STAG1: variants seen among roughly 807,000 people sequenced by gnomAD.
STAG1 encodes the protein cohesin subunit SA-1.
A neutral mutation model predicts 170.9 loss-of-function variants in STAG1; 26 were observed. The ratio of observed to expected loss-of-function variants is 0.15; its 90% CI spans 0.11 to 0.21. The LOEUF is 0.21. Among genes scored for constraint, STAG1 ranks in the 10% least tolerant of loss-of-function variants. STAG1 has a pLI of 1.00. For missense variants in STAG1, 964 were observed against 1,509.5 expected, an observed-to-expected ratio of 0.64 and a Z score of 5.99; for synonymous variants, 514 against 497.7, an observed-to-expected ratio of 1.03 and a Z score of -0.44.
At chr3:136,412,860 T>G (rs1430069676) in intron 21 of STAG1, among the ~76,000 whole-genome samples, 1 of 141,158 alleles carries the variant, frequency 7.1e-6, no homozygotes, top group African/African-American at 2.5e-5. Flanking sequence ...TTGTGACAAT[T>G]TTTTCTTTTT....
chr3:136,649,518 A>G lies in STAG1; in HGVS notation c.-83-18537T>C, dbSNP rs561063631. ...AAAACAGAAACAAAAAAAAAAAAAA[A>G]AAAAGAAAGGGTCCAGTTTGACTTA... On this transcript the variant is annotated intron_variant, in intron 1 of 33. Coordinates refer to ENST00000383202, the MANE Select transcript of STAG1 (RefSeq NM_005862.3). Among the ~76,000 whole-genome samples, 410 of 151,606 alleles carry G rather than the reference A, an allele frequency of 2.7e-3. 2 individuals carry two copies. Among genetic ancestry groups the G allele is most frequent in the Non-Finnish European group, 4.4e-3 (297 of 67,808 alleles).
At chr3:136,657,867 A>G (rs1361299871) in intron 1 of STAG1, among the ~76,000 whole-genome samples, 1 of 152,220 alleles carries the variant, frequency 6.6e-6, no homozygotes, top group Non-Finnish European at 1.5e-5. Flanking sequence ...GAAATGCACT[A>G]GAATGCAATA....
chr3:136,613,545 G>A (rs1939423552), intron 3 of STAG1, among the ~76,000 whole-genome samples: 1 of 152,098 alleles, frequency 6.6e-6, no homozygotes, highest in Non-Finnish European at 1.5e-5. Flanking sequence ...AGAATGTAAT[G>A]ATGCAATCTC....
chr3:136,543,238 T>C (rs1935990908), intron 5 of STAG1, among the ~76,000 whole-genome samples: 1 of 152,044 alleles, frequency 6.6e-6, no homozygotes, highest in East Asian at 1.9e-4. Flanking sequence ...CATGAATATA[T>C]TACCCAAACA....
intron 1 of STAG1, among the ~76,000 whole-genome samples, chr3:136,679,672 T>C (rs1942267043): frequency 6.9e-6 from 1 of 145,172 alleles, no homozygotes; most frequent in South Asian, 2.2e-4. Context: ...GAGCTTGCAG[T>C]GAGCCGAGAT....
chr3:136,614,216 A>C (rs564735072), intron 3 of STAG1, among the ~76,000 whole-genome samples: 51 of 152,360 alleles, frequency 3.3e-4, no homozygotes, highest in Non-Finnish European at 6.0e-4. Context: ...ACTCTGCCTC[A>C]AAAAATAAAC....
intron 3 of STAG1, among the ~76,000 whole-genome samples, chr3:136,608,586 G>A (rs1163260184): frequency 6.8e-6 from 1 of 147,890 alleles, no homozygotes; most frequent in Non-Finnish European, 1.5e-5. Context: ...AGACAAGGTA[G>A]GGAGGATGAC....
intron 6 of STAG1, among the ~76,000 whole-genome samples, chr3:136,539,367 GA>G (rs1315033702): frequency 1.3e-5 from 2 of 152,094 alleles, no homozygotes; most frequent in East Asian, 3.8e-4. Flanking sequence ...CAGGAAAAGA[GA>G]AAAAATCTGC....
intron 4 of STAG1, among the ~76,000 whole-genome samples, chr3:136,590,912 C>T (rs1014860175): frequency 6.6e-6 from 1 of 151,858 alleles, no homozygotes; most frequent in Non-Finnish European, 1.5e-5. Context: ...CTGTGAAGTT[C>T]CATTTATTTT....
intron 31 of STAG1, 52 bp from the exon 32 acceptor site, chr3:136,340,657 G>T: frequency 8.5e-7 from 1 of 1,179,586 alleles, no homozygotes; most frequent in South Asian, 1.2e-5. Flanking sequence ...ACCATTTGGA[G>T]TCCTGGCTGT....
intron 13 of STAG1, among the ~76,000 whole-genome samples, chr3:136,453,803 A>G (rs2089019876): frequency 6.6e-6 from 1 of 152,018 alleles, no homozygotes; most frequent in Non-Finnish European, 1.5e-5. Flanking sequence ...TTTATACATA[A>G]AAGTCAGAGT....
rs1351568509 is a variant in STAG1, at chr3:136,587,789, T to C, written c.297+16520A>G. ...GGCCAATGTGGTGAAACCCTATCTCTACCAAAAACACAAAAATTAGCCAGC... is the reference window on the plus strand; with the variant it reads ...GGCCAATGTGGTGAAACCCTATCTCCACCAAAAACACAAAAATTAGCCAGC... On this transcript the variant is annotated intron_variant, in intron 4 of 33. Transcript: ENST00000383202. Among the ~76,000 whole-genome samples the C allele has an allele frequency of 3.3e-5, 5 of 151,984 alleles. No homozygotes were observed. The East Asian group carries it at 9.7e-4, about 30-fold the overall frequency.
At chr3:136,609,885 T>C (rs1939178953) in intron 3 of STAG1, among the ~76,000 whole-genome samples, 2 of 152,124 alleles carry the variant, frequency 1.3e-5, no homozygotes, top group Admixed American at 6.6e-5. Flanking sequence ...TAACATTCCA[T>C]AGATGGGGGT....
intron 1 of STAG1, among the ~76,000 whole-genome samples, chr3:136,718,986 T>G (rs1933033667): frequency 6.6e-6 from 1 of 152,118 alleles, no homozygotes; most frequent in South Asian, 2.1e-4. Context: ...GGAAAACAAT[T>G]TAGCGGTTTC....
At chr3:136,750,357 C>G (rs1395827195) in intron 1 of STAG1, among the ~76,000 whole-genome samples, 1 of 152,046 alleles carries the variant, frequency 6.6e-6, no homozygotes, top group Non-Finnish European at 1.5e-5. Context: ...AAGGTAACAC[C>G]CTGAACACCA....
intron 1 of STAG1, among the ~76,000 whole-genome samples, chr3:136,708,963 C>T (rs1349735178): frequency 2.5e-5 from 3 of 121,966 alleles, no homozygotes; most frequent in Non-Finnish European, 5.1e-5. Flanking sequence ...ACCACTGCAG[C>T]TGGCTTTTTT....
intron 23 of STAG1, among the ~76,000 whole-genome samples, chr3:136,374,416 G>T (rs938946918): frequency 6.6e-6 from 1 of 152,082 alleles, no homozygotes; most frequent in Non-Finnish European, 1.5e-5. Flanking sequence ...TTGGGAATTC[G>T]AGACCAGCCT....
chr3:136,571,715 A>C (rs1050509712), intron 4 of STAG1, among the ~76,000 whole-genome samples: 2 of 151,244 alleles, frequency 1.3e-5, no homozygotes, highest in Admixed American at 1.3e-4. Flanking sequence ...TCTACCAAAA[A>C]ACAAAACAAA....
chr3:136,436,249 C>A (rs2088458946), intron 15 of STAG1, among the ~76,000 whole-genome samples: 1 of 152,024 alleles, frequency 6.6e-6, no homozygotes, highest in Non-Finnish European at 1.5e-5. Context: ...AGCCACCACG[C>A]CTGGCCTCAT....
Sources: gnomAD v4.1 joint callset for allele counts (sites outside exome capture counted in the v4.1 genomes callset) on GRCh38, gnomAD v4.1.1 for gene constraint, MANE v1.5 for transcripts, NCBI Gene and HGNC (gene_info 2026-07-23, HGNC 2026-07-21) for gene names.